Variants in STAMBP observed in about 807,000 individuals in gnomAD.
The protein encoded by STAMBP is STAM-binding protein.
A neutral mutation model predicts 50.7 loss-of-function variants in STAMBP; 31 were observed. The observed-to-expected ratio is 0.61, with a 90% CI of 0.46 to 0.83. STAMBP has a LOEUF of 0.83. Among genes scored for constraint, STAMBP ranks in the 40% least tolerant of loss-of-function variants. The pLI is 0.00. For synonymous variants in STAMBP, 211 were observed against 192.4 expected (o/e 1.10, Z -0.80); for missense variants, 472 against 518.9 (o/e 0.91, Z 0.88).
chr2:73,841,676 G>T (rs938773896), intron 2 of STAMBP, among the ~76,000 whole-genome samples: 2 of 152,194 alleles, frequency 1.3e-5, no homozygotes, highest in East Asian at 1.9e-4. Context: ...AAGCTAAAAG[G>T]TTGGACACCC....
At chr2:73,835,777 C>T (rs750450710) in intron 2 of STAMBP, among the ~76,000 whole-genome samples, 7 of 152,014 alleles carry the variant, frequency 4.6e-5, no homozygotes, top group Non-Finnish European at 7.4e-5. Flanking sequence ...GGCTGGGTAG[C>T]GGGGGAATTT....
intron 10 of STAMBP, among the ~76,000 whole-genome samples, chr2:73,873,087 G>T (rs569328461): frequency 6.6e-6 from 1 of 152,332 alleles, no homozygotes; most frequent in South Asian, 2.1e-4. Flanking sequence ...AGGCAACATA[G>T]TCCAGCTGAG....
chr2:73,858,159 A>AT lies in STAMBP; in HGVS notation c.1006-1069dup, dbSNP rs35630978. ...CACCACGCCTGGCTAATTGTTTTGT[A>AT]TTTTTTTTTTTTTTTTTTTTTTTTT... On this transcript the variant is annotated intron_variant, in intron 7 of 9. Coordinates refer to ENST00000394070, the MANE Select transcript of STAMBP (RefSeq NM_213622.4). Among the ~76,000 whole-genome samples the AT allele has an allele frequency of 6.4e-3, 434 of 68,340 alleles. 6 individuals carry two copies. The highest frequency in any genetic ancestry group is 0.017 in the South Asian group (33 of 1,988). 44.8% of individuals were successfully genotyped at this position (68,340 alleles called of 152,430 possible).
chr2:73,873,193 T>C (rs915166550), intron 10 of STAMBP, among the ~76,000 whole-genome samples: 1 of 151,902 alleles, frequency 6.6e-6, no homozygotes, highest in African/African-American at 2.4e-5. Context: ...CAACTCTGGG[T>C]TGTTTTCTGC....
At chr2:73,855,715 G>A (rs962268758) in intron 7 of STAMBP, 12 of 455,952 alleles carry the variant, frequency 2.6e-5, no homozygotes, top group Non-Finnish European at 3.5e-5. Flanking sequence ...TTCCTGTCCT[G>A]AAGGCTTCTT....
intron 2 of STAMBP, among the ~76,000 whole-genome samples, chr2:73,840,991 A>G (rs1412416566): frequency 6.6e-6 from 1 of 152,150 alleles, no homozygotes; most frequent in African/African-American, 2.4e-5. Context: ...AATCCGATGG[A>G]TGAAAATGGT....
intron 4 of STAMBP, among the ~76,000 whole-genome samples, chr2:73,846,711 T>C (rs1029940357): frequency 4.0e-5 from 6 of 151,634 alleles, no homozygotes; most frequent in East Asian, 1.9e-4. Context: ...ACTTGAAATA[T>C]AGAATATGTA....
chr2:73,834,040 G>A (rs1347396729), intron 2 of STAMBP, among the ~76,000 whole-genome samples: 3 of 150,248 alleles, frequency 2.0e-5, no homozygotes, highest in East Asian at 2.0e-4. Context: ...GTGAAACCCC[G>A]TCTCTACTAA....
At chr2:73,855,889 GT>G (rs947180746) in intron 7 of STAMBP, among the ~76,000 whole-genome samples, 2 of 152,116 alleles carry the variant, frequency 1.3e-5, no homozygotes, top group Non-Finnish European at 2.9e-5. Context: ...CAGGAGATTT[GT>G]TTTTTTGGAC....
rs1673554620 is a variant in STAMBP at position 73,829,101 on chromosome 2, C to T, written c.-422C>T. 6.6e-6 allele frequency: 1 copy of T among 152,272 alleles called. No homozygotes were observed. Among genetic ancestry groups the T allele is most frequent in the South Asian group, 2.1e-4 (1 of 4,836 alleles). The allele number at this position is 152,272 out of a possible 1,614,324, so 9.4% of individuals were successfully genotyped here. A position where few individuals can be genotyped will look rare whatever the true frequency, so the allele number is the denominator to read the frequency against. ...TGTGGGGCCTGCAGCCTACTCTCCC[C>T]GAGTCCCCTGCCCGGCCTGCCTCGC... On this transcript the variant is annotated 5_prime_UTR_variant, in exon 1 of 10. Transcript: ENST00000394070.
chr2:73,834,658 G>A (rs933125668), intron 2 of STAMBP, among the ~76,000 whole-genome samples: 2 of 151,922 alleles, frequency 1.3e-5, no homozygotes, highest in Admixed American at 6.6e-5. Flanking sequence ...AGCTGTAGTC[G>A]AAATAAGGAA....
intron 2 of STAMBP, among the ~76,000 whole-genome samples, chr2:73,839,835 C>T (rs1439010973): frequency 6.6e-6 from 1 of 152,112 alleles, no homozygotes; most frequent in Non-Finnish European, 1.5e-5. Flanking sequence ...TTCTGTTCTG[C>T]GACTTGCTTT....
chr2:73,859,094 T>C lies in STAMBP; in HGVS notation c.1006-160T>C, dbSNP rs546630470. On this transcript the variant is annotated intron_variant, in intron 7 of 9. Transcript: ENST00000394070. Reference sequence around the variant, plus strand: ...TAAAAATACAGTGTAATAAAAGTTATGTGAAGATGATCTCTCTTTCTCAAA... The same window carrying C: ...TAAAAATACAGTGTAATAAAAGTTACGTGAAGATGATCTCTCTTTCTCAAA... Among the ~76,000 whole-genome samples the C allele has an allele frequency of 5.9e-5, 9 of 152,336 alleles. No individual in the cohort carries two copies. The South Asian group carries it at 1.9e-3, about 32-fold the overall frequency.
In STAMBP at chr2:73,831,004, T is replaced by G; in HGVS notation, c.148T>G (p.Tyr50Asp). The G allele has an allele frequency of 6.2e-7, 1 of 1,614,248 alleles. No individual in the cohort carries two copies. The highest frequency in any genetic ancestry group is 8.5e-7 in the Non-Finnish European group (1 of 1,180,042). Residue 50 changes from tyrosine (Y) to aspartate (D), a missense_variant, in exon 2 of 10, where the codon TAC becomes GAC. Tyr to Asp is a radical substitution (Grantham distance 160, BLOSUM62 -3). Transcript: ENST00000394070. ...TGAGATTATCCGAATGGCATCCATT[T>G]ACTCTGAGGAAGGCAACATTGAACA... Reference protein sequence around the residue: ...GVEIIRMASIYSEEGNIEHAF... With the variant: ...GVEIIRMASIDSEEGNIEHAF...
chr2:73,862,133 T>C lies in STAMBP; in HGVS notation c.1219-70T>C. ...GCCTGGGCAACAGAGCAAGACCCTATATGAAGAAAAAAAAAAAAAAGACTT... is the reference window on the plus strand; with the variant it reads ...GCCTGGGCAACAGAGCAAGACCCTACATGAAGAAAAAAAAAAAAAAGACTT... On this transcript the variant is annotated intron_variant, in intron 9 of 9. Transcript: ENST00000394070. 2.8e-6 allele frequency: 4 copies of C among 1,412,438 alleles called. No individual in the cohort carries two copies. In the South Asian group the frequency reaches 5.3e-5, roughly 19 times the overall value. 87.5% of individuals were successfully genotyped at this position (1,412,438 alleles called of 1,614,324 possible). A position where few individuals can be genotyped will look rare whatever the true frequency, so the allele number is the denominator to read the frequency against.
intron 7 of STAMBP, among the ~76,000 whole-genome samples, chr2:73,857,728 T>C (rs1677739177): frequency 6.6e-6 from 1 of 152,166 alleles, no homozygotes; most frequent in Non-Finnish European, 1.5e-5. Context: ...ATCTCAGAAT[T>C]ATGGTTCTGC....
chr2:73,862,246 C>G lies in STAMBP; in HGVS notation c.1262C>G (p.Thr421Arg), dbSNP rs1298197418. Residue 421 changes from threonine (T) to arginine (R), a missense_variant, in exon 10 of 10, where the codon ACA (threonine) becomes AGA (arginine). By Grantham distance (71) the Thr-to-Arg change is moderately conservative (BLOSUM62 -1). Transcript: ENST00000394070. ...GTTGTGGACAGAGCAGTGACCATCA[C>G]AGACCTTCGATGAGCGTTTGAGTCC... is the stretch of plus-strand genomic sequence containing the variant. Reference protein sequence around the residue: ...VTVVDRAVTITDLR With the variant: ...VTVVDRAVTIRDLR The G allele has an allele frequency of 6.2e-7, 1 of 1,612,232 alleles. No homozygotes were observed. The highest frequency in any genetic ancestry group is 8.5e-7 in the Non-Finnish European group (1 of 1,179,294).
chr2:73,846,120 G>T (rs1676020096), intron 4 of STAMBP, among the ~76,000 whole-genome samples: 1 of 152,060 alleles, frequency 6.6e-6, no homozygotes, highest in South Asian at 2.1e-4. Context: ...ACAGCTATGA[G>T]GTATATACTT....
rs539765670 is a variant in STAMBP at position 73,831,203 on chromosome 2, C to T, written c.203+144C>T. On this transcript the variant is annotated intron_variant, in intron 2 of 9. Transcript: ENST00000394070. ...AACTCCTACATATTGGCTGTCCTTG[C>T]CGTTCAAAGACATGAGTGCTGAAGG... 29 of 660,384 alleles carry T rather than the reference C, an allele frequency of 4.4e-5. No individual in the cohort carries two copies. In the South Asian group the frequency reaches 4.8e-4, roughly 11 times the overall value. 40.9% of individuals were successfully genotyped at this position (660,384 alleles called of 1,614,324 possible). A position where few individuals can be genotyped will look rare whatever the true frequency, so the allele number is the denominator to read the frequency against.
Sources: gnomAD v4.1 joint callset for allele counts (sites outside exome capture counted in the v4.1 genomes callset) on GRCh38, gnomAD v4.1.1 for gene constraint, MANE v1.5 for transcripts, NCBI Gene and HGNC (gene_info 2026-07-23, HGNC 2026-07-21) for gene names.